EMID1: variants seen among roughly 807,000 people sequenced by gnomAD.
The protein encoded by EMID1 is EMI domain-containing protein 1.
A neutral mutation model predicts 60.6 loss-of-function variants in EMID1; 40 were observed. That is an observed-to-expected ratio of 0.66 (90% CI 0.51 to 0.86). The LOEUF (loss-of-function observed/expected upper bound fraction) is 0.86. Ranked by LOEUF, EMID1 falls within the 40% of genes least tolerant of loss-of-function variation. EMID1 has a pLI of 0.00. For synonymous variants in EMID1, 242 were observed against 231.0 expected (o/e 1.05, Z -0.43); for missense variants, 585 against 597.1 (o/e 0.98, Z 0.21).
chr22:29,227,353 G>C (rs2040553036), intron 5 of EMID1, among the ~76,000 whole-genome samples: 1 of 151,622 alleles, frequency 6.6e-6, no homozygotes, highest in Non-Finnish European at 1.5e-5. Flanking sequence ...GCCTCCCAAA[G>C]TGCTGGGATT....
intron 14 of EMID1, chr22:29,255,125 A>G: frequency 2.1e-6 from 1 of 479,882 alleles, no homozygotes; most frequent in South Asian, 5.2e-5. Context: ...ATAGGAGGGG[A>G]AACTGAGGTC....
At chr22:29,223,090 C>CA (rs909338772) in intron 3 of EMID1, among the ~76,000 whole-genome samples, 38 of 147,326 alleles carry the variant, frequency 2.6e-4, no homozygotes, top group East Asian at 1.8e-3. Flanking sequence ...GACTCCGTCT[C>CA]AAAAAAAAAA....
intron 5 of EMID1, among the ~76,000 whole-genome samples, chr22:29,230,651 C>A (rs2040704835): frequency 6.6e-6 from 1 of 152,196 alleles, no homozygotes. Context: ...CCACACCAGG[C>A]CCCTTGGCTG....
intron 14 of EMID1, chr22:29,255,723 G>A (rs2041680131): frequency 5.6e-6 from 1 of 178,444 alleles, no homozygotes; most frequent in Non-Finnish European, 1.2e-5. Flanking sequence ...ATACAGAAGT[G>A]CCTCTGGCCT....
At chr22:29,234,385 A>G in intron 12 of EMID1, 36 bp downstream of exon 12, 1 of 1,605,988 alleles carries the variant, frequency 6.2e-7, no homozygotes, top group Non-Finnish European at 8.5e-7. Flanking sequence ...TCATCCCTGC[A>G]GGATCCCTTA....
intron 12 of EMID1, among the ~76,000 whole-genome samples, chr22:29,241,577 C>CA (rs1568997715): frequency 4.1e-5 from 6 of 145,896 alleles, no homozygotes; most frequent in African/African-American, 1.6e-4. Context: ...TTAGTAGAGA[C>CA]GGGGTTTCAC....
intron 12 of EMID1, among the ~76,000 whole-genome samples, chr22:29,239,278 C>G (rs1033492124): frequency 7.8e-6 from 1 of 127,506 alleles, no homozygotes; most frequent in Non-Finnish European, 1.6e-5. Flanking sequence ...CTTAGAATAT[C>G]TTTTTTTTCT....
Position 29,236,944 on chromosome 22 carries a change from C to G in EMID1, c.1074+2595C>G, listed in dbSNP as rs1365372642. 2.6e-5 allele frequency among the ~76,000 whole-genome samples: 4 copies of G among 151,450 alleles called. No individual in the cohort carries two copies. The East Asian group carries it at 8.0e-4, about 30-fold the overall frequency. On this transcript the variant is annotated intron_variant, in intron 12 of 14. Coordinates refer to ENST00000334018, the MANE Select transcript of EMID1 (RefSeq NM_133455.4). ...CCCAAGTAGCTGGGACTACAGGCGC[C>G]CACCACCATACCTGGCTAATTTTTG...
intron 14 of EMID1, among the ~76,000 whole-genome samples, chr22:29,257,495 G>T (rs1287426687): frequency 6.6e-6 from 1 of 152,026 alleles, no homozygotes; most frequent in Admixed American, 6.6e-5. Context: ...GAATGGGAAT[G>T]GTCAGGCTAG....
intron 8 of EMID1, 127 bp downstream of exon 8, chr22:29,232,529 G>T: frequency 9.1e-7 from 1 of 1,103,910 alleles, no homozygotes. Flanking sequence ...ATGTGACCCA[G>T]TCCTCCAGCA....
intron 13 of EMID1, among the ~76,000 whole-genome samples, chr22:29,244,457 T>C (rs1037032501): frequency 6.6e-6 from 1 of 151,788 alleles, no homozygotes; most frequent in Middle Eastern, 3.2e-3. Flanking sequence ...AATACAAAAT[T>C]AGCCTTAAAG....
chr22:29,229,670 C>G (rs2040657156), intron 5 of EMID1, among the ~76,000 whole-genome samples: 1 of 152,026 alleles, frequency 6.6e-6, no homozygotes, highest in South Asian at 2.1e-4. Context: ...GAAGATGCCC[C>G]TGATTTATCA....
chr22:29,228,892 A>T (rs6519779), intron 5 of EMID1, among the ~76,000 whole-genome samples: 8,955 of 152,008 alleles, frequency 0.059, 583 homozygotes, highest in African/African-American at 0.15. Context: ...CATTGTGCCC[A>T]GCCTGGGAAC....
chr22:29,232,055 G>A, intron 7 of EMID1: 1 of 620,852 alleles, frequency 1.6e-6, no homozygotes, highest in Non-Finnish European at 2.8e-6. Context: ...GGAGCCCCAA[G>A]GAAGGAAGAC....
intron 3 of EMID1, among the ~76,000 whole-genome samples, 171 bp downstream of exon 3, chr22:29,215,801 C>T (rs966135319): frequency 6.6e-6 from 1 of 152,152 alleles, no homozygotes; most frequent in Non-Finnish European, 1.5e-5. Flanking sequence ...CCCCCCTGCC[C>T]CCCACGGTGA....
Position 29,254,127 on chromosome 22 carries a change from C to T in EMID1, c.1120-76C>T, listed in dbSNP as rs576474606. 55 of 1,604,204 alleles carry T rather than the reference C, an allele frequency of 3.4e-5. No homozygotes were observed. The East Asian group carries it at 1.2e-3, about 34-fold the overall frequency. On this transcript the variant is annotated intron_variant, in intron 13 of 14. Transcript: ENST00000334018. ...CTGCAGGTGCATGTCCCGGGTGGGG[C>T]ATGGGCCACCGACGGGCTTTGCAGG...
chr22:29,215,506 G>A, intron 2 of EMID1, 21 bp from the exon 3 acceptor site: 1 of 1,609,806 alleles, frequency 6.2e-7, no homozygotes, highest in South Asian at 1.1e-5. Flanking sequence ...TCTCAGCTGG[G>A]CCACCTGGGG....
At chr22:29,245,763 G>A (rs1036104723) in intron 13 of EMID1, among the ~76,000 whole-genome samples, 4 of 152,200 alleles carry the variant, frequency 2.6e-5, no homozygotes, top group African/African-American at 9.7e-5. Flanking sequence ...TGACTGTGCT[G>A]GGCCTGCCCA....
intron 7 of EMID1, 112 bp from the exon 8 acceptor site, chr22:29,232,144 C>G (rs1461554492): frequency 2.3e-6 from 3 of 1,295,348 alleles, no homozygotes; most frequent in East Asian, 2.3e-5. Flanking sequence ...CCTGTGGACT[C>G]CGGGGCCCTC....
Sources: gnomAD v4.1 joint callset for allele counts (sites outside exome capture counted in the v4.1 genomes callset) on GRCh38, gnomAD v4.1.1 for gene constraint, MANE v1.5 for transcripts, NCBI Gene and HGNC (gene_info 2026-07-23, HGNC 2026-07-21) for gene names.